ITPR1: variants seen among roughly 807,000 people sequenced by gnomAD.
The protein encoded by ITPR1 is inositol 1,4,5-trisphosphate receptor type 1.
ITPR1 carries 96 observed loss-of-function variants against 318.4 expected under a neutral mutation model. The observed-to-expected ratio is 0.30, with a 90% CI of 0.26 to 0.36. The LOEUF is 0.36. Ranked by LOEUF, ITPR1 falls within the 10% of genes least tolerant of loss-of-function variation. The pLI is 1.00. For synonymous variants in ITPR1, 1,312 were observed against 1,289.9 expected, an observed-to-expected ratio of 1.02 and a Z score of -0.37; for missense variants, 2,440 against 3,460.2, an observed-to-expected ratio of 0.71 and a Z score of 7.40.
chr3:4,795,593 G>A (rs961407782), intron 53 of ITPR1, among the ~76,000 whole-genome samples: 23 of 152,282 alleles, frequency 1.5e-4, no homozygotes, highest in Middle Eastern at 3.4e-3. Flanking sequence ...TTTCCACACC[G>A]CACTTCTGGA....
At chr3:4,759,154 T>C (rs981885587) in intron 44 of ITPR1, among the ~76,000 whole-genome samples, 1 of 152,192 alleles carries the variant, frequency 6.6e-6, no homozygotes, top group Non-Finnish European at 1.5e-5. Context: ...CACTAGCCCC[T>C]AACCTCGGGG....
At chr3:4,822,713 A>T (rs895878474) in intron 60 of ITPR1, among the ~76,000 whole-genome samples, 1 of 152,176 alleles carries the variant, frequency 6.6e-6, no homozygotes, top group African/African-American at 2.4e-5. Flanking sequence ...ATGGAAGGCG[A>T]TGCTGTCGAG....
chr3:4,741,021 A>T (rs948727270), intron 44 of ITPR1, among the ~76,000 whole-genome samples: 3 of 152,180 alleles, frequency 2.0e-5, no homozygotes, highest in African/African-American at 7.2e-5. Context: ...GGGGCTCAGC[A>T]GGGCTCACGG....
At chr3:4,700,514 G>A (rs1299251354) in intron 35 of ITPR1, among the ~76,000 whole-genome samples, 2 of 152,188 alleles carry the variant, frequency 1.3e-5, no homozygotes, top group African/African-American at 4.8e-5. Flanking sequence ...AGCGGTGAAC[G>A]AAAAGGGACC....
chr3:4,717,836 G>T (rs1381082174), intron 40 of ITPR1, among the ~76,000 whole-genome samples: 1 of 152,132 alleles, frequency 6.6e-6, no homozygotes, highest in Non-Finnish European at 1.5e-5. Flanking sequence ...TTACCCTCTT[G>T]GTCTACGTAT....
intron 47 of ITPR1, among the ~76,000 whole-genome samples, chr3:4,775,853 C>T (rs2046451337): frequency 6.6e-6 from 1 of 152,176 alleles, no homozygotes; most frequent in African/African-American, 2.4e-5. Context: ...AATTACTACA[C>T]GTGAGACAGC....
At chr3:4,538,917 A>G (rs752583445) in intron 4 of ITPR1, among the ~76,000 whole-genome samples, 19 of 152,270 alleles carry the variant, frequency 1.2e-4, no homozygotes, top group Non-Finnish European at 2.6e-4. Flanking sequence ...ATAAACAGCT[A>G]ATGCATGCGG....
chr3:4,797,207 A>G (rs1260429225), intron 53 of ITPR1, among the ~76,000 whole-genome samples: 1 of 151,722 alleles, frequency 6.6e-6, no homozygotes, highest in East Asian at 1.9e-4. Flanking sequence ...TACTGCCTTA[A>G]GTGCATCAGT....
chr3:4,501,125 G>A (rs949046091), intron 2 of ITPR1, among the ~76,000 whole-genome samples: 2 of 151,744 alleles, frequency 1.3e-5, no homozygotes, highest in Admixed American at 6.6e-5. Flanking sequence ...GCCTCCCAAA[G>A]TGCTGGGACT....
intron 61 of ITPR1, among the ~76,000 whole-genome samples, chr3:4,845,191 A>G (rs4685836): frequency 0.81 from 122,853 of 152,214 alleles, 50,849 homozygotes; most frequent in Non-Finnish European, 0.9. Flanking sequence ...TTCCTCTACA[A>G]TTTTAGGAAG....
chr3:4,669,035 A>C (rs566893626), intron 18 of ITPR1, among the ~76,000 whole-genome samples: 1 of 152,218 alleles, frequency 6.6e-6, no homozygotes, highest in African/African-American at 2.4e-5. Context: ...AATGATTACA[A>C]TGGAGCACGG....
intron 46 of ITPR1, among the ~76,000 whole-genome samples, chr3:4,773,852 T>G (rs1025941939): frequency 6.6e-6 from 1 of 152,208 alleles, no homozygotes; most frequent in Non-Finnish European, 1.5e-5. Flanking sequence ...CTGAACTTGT[T>G]ATGGAGCAAA....
Position 4,577,694 on chromosome 3 carries a change from G to A in ITPR1, c.164-50069G>A, listed in dbSNP as rs187078919. Among the ~76,000 whole-genome samples the A allele has an allele frequency of 2.4e-4, 37 of 152,272 alleles. 1 individual carries two copies. The South Asian group carries it at 3.5e-3, about 14-fold the overall frequency. On this transcript the variant is annotated intron_variant, in intron 4 of 61. Transcript: ENST00000649015. ...AAAAACAACTTTATGATGGAAAGTC[G>A]TGTCCTCTGTAACCTCTAATTCTTT... is the stretch of plus-strand genomic sequence containing the variant.
chr3:4,526,698 T>C (rs902750075), intron 4 of ITPR1, among the ~76,000 whole-genome samples: 1 of 149,836 alleles, frequency 6.7e-6, no homozygotes, highest in African/African-American at 2.5e-5. Flanking sequence ...CATTATGCAG[T>C]TGAGGAAATG....
At chr3:4,767,208 A>G (rs548748476) in intron 45 of ITPR1, among the ~76,000 whole-genome samples, 5 of 152,358 alleles carry the variant, frequency 3.3e-5, no homozygotes, top group African/African-American at 1.2e-4. Flanking sequence ...TCACGTTTCA[A>G]GTTTAGAACT....
intron 46 of ITPR1, 83 bp from the exon 47 acceptor site, chr3:4,775,159 A>ACCT: frequency 1.0e-6 from 1 of 979,200 alleles, no homozygotes; most frequent in Non-Finnish European, 1.7e-6. Context: ...AACCTATTAG[A>ACCT]GGCTATCAGA....
At chr3:4,840,079 A>G (rs1378047217) in intron 61 of ITPR1, among the ~76,000 whole-genome samples, 1 of 107,536 alleles carries the variant, frequency 9.3e-6, no homozygotes, top group Non-Finnish European at 1.9e-5. Flanking sequence ...GGGGATTTGC[A>G]TCTTTTAAAA....
intron 10 of ITPR1, among the ~76,000 whole-genome samples, chr3:4,649,624 T>C (rs571186503): frequency 5.3e-5 from 8 of 152,364 alleles, no homozygotes; most frequent in African/African-American, 1.9e-4. Flanking sequence ...TGGTCCTTCA[T>C]ATCTGACTTC....
intron 4 of ITPR1, among the ~76,000 whole-genome samples, chr3:4,557,058 T>A (rs781716174): frequency 2.6e-5 from 4 of 152,294 alleles, no homozygotes; most frequent in Middle Eastern, 3.4e-3. Flanking sequence ...AATTTAGTGA[T>A]TGACAATTGA....
Sources: gnomAD v4.1 joint callset for allele counts (sites outside exome capture counted in the v4.1 genomes callset) on GRCh38, gnomAD v4.1.1 for gene constraint, MANE v1.5 for transcripts, NCBI Gene and HGNC (gene_info 2026-07-23, HGNC 2026-07-21) for gene names.